Variants in KCNJ14 observed in about 807,000 individuals in gnomAD.
The protein encoded by KCNJ14 is ATP-sensitive inward rectifier potassium channel 14.
KCNJ14 carries 18 observed loss-of-function variants against 24.5 expected under a neutral mutation model. The observed-to-expected ratio is 0.74, with a 90% CI of 0.51 to 1.09. The LOEUF is 1.09. KCNJ14 is among the 50% of genes least tolerant of loss of function. KCNJ14 has a pLI of 0.00. For missense variants in KCNJ14, 633 were observed against 623.0 expected (o/e 1.02, Z -0.17); for synonymous variants, 288 against 270.8 (o/e 1.06, Z -0.63).
chr19:48,456,437 G>A (rs1971540184), intron 1 of KCNJ14: 1 of 152,278 alleles, frequency 6.6e-6, no homozygotes, highest in Non-Finnish European at 1.5e-5. Context: ...GACACAGCCA[G>A]GCTGGTCCCC....
Position 48,465,062 on chromosome 19 carries a change from G to T in KCNJ14, c.*285G>T. On this transcript the variant is annotated 3_prime_UTR_variant, in exon 3 of 3. Coordinates refer to ENST00000342291, the MANE Select transcript of KCNJ14 (RefSeq NM_013348.4). Reference sequence around the variant, plus strand: ...CAAGAGGAAAAGACTGGCAGTTCTAGATTCCTCTATATGGGGAGACCTGGA... The same window carrying T: ...CAAGAGGAAAAGACTGGCAGTTCTATATTCCTCTATATGGGGAGACCTGGA... 1 of 439,678 alleles carries T rather than the reference G, an allele frequency of 2.3e-6. No individual in the cohort carries two copies. The highest frequency in any genetic ancestry group is 3.8e-5 in the East Asian group (1 of 26,088). The allele number at this position is 439,678 out of a possible 1,614,324, so 27.2% of individuals were successfully genotyped here.
intron 1 of KCNJ14, chr19:48,461,261 AGTGAGCTGAGGTTGCG>A (rs1352500429): frequency 1.3e-5 from 2 of 151,638 alleles, no homozygotes; most frequent in African/African-American, 4.8e-5. Context: ...CAGAGGTTGC[AGTGAGCTGAGGTTGCG>A]GTGAGCTGAG....
rs776822495 is a variant in KCNJ14 at position 48,461,838 on chromosome 19, G to A, written c.114G>A (p.Pro38=). The change falls in exon 2 of 3, where the codon CCG becomes CCA. Residue 38 remains proline, a synonymous_variant. Coordinates refer to ENST00000342291, the MANE Select transcript of KCNJ14 (RefSeq NM_013348.4). ...GGTTGTGCCGCAACGGGTGGGCGCC[G>A]GCACCGGTGCAGTCACCCGTGGGCC... ...GPGLCRNGWA[P]APVQSPVGRR... The A allele has an allele frequency of 1.3e-6, 2 of 1,514,690 alleles. No individual in the cohort carries two copies. Among genetic ancestry groups the A allele is most frequent in the Admixed American group, 4.7e-5 (2 of 42,930 alleles). The allele number at this position is 1,514,690 out of a possible 1,614,324, so 93.8% of individuals were successfully genotyped here.
rs1321709017 is a variant in KCNJ14, at chr19:48,462,574, T to G, written c.714+136T>G. ...CCAGCAGCCTCTTGGGCCTGGGGCC[T>G]GCGAATGGGTCACTGGGCAGCTGGG... On this transcript the variant is annotated intron_variant, in intron 2 of 2. Coordinates refer to ENST00000342291, the MANE Select transcript of KCNJ14 (RefSeq NM_013348.4). This position sits in a 1 kb window ranked among gnomAD's most constrained non-coding sequence, Gnocchi z 4.9. The G allele has an allele frequency of 3.2e-6, 2 of 634,366 alleles. No homozygotes were observed. Among genetic ancestry groups the G allele is most frequent in the Non-Finnish European group, 5.2e-6 (2 of 383,460 alleles). The allele number at this position is 634,366 out of a possible 1,614,324, so 39.3% of individuals were successfully genotyped here. A position where few individuals can be genotyped will look rare whatever the true frequency, so the allele number is the denominator to read the frequency against.
rs1971644991 is a variant in KCNJ14 at position 48,465,354 on chromosome 19, A to C, written c.*577A>C. ...AAAAAAAAGACCTGTGGTTCCAGAA[A>C]GCTCATTAGTTGAGATTCTGTGAGT... On this transcript the variant is annotated 3_prime_UTR_variant, in exon 3 of 3. Transcript: ENST00000342291. 1 of 153,646 alleles carries C rather than the reference A, an allele frequency of 6.5e-6. No individual in the cohort carries two copies. The highest frequency in any genetic ancestry group is 1.4e-5 in the Non-Finnish European group (1 of 69,084). 9.5% of individuals were successfully genotyped at this position (153,646 alleles called of 1,614,324 possible).
intron 1 of KCNJ14, among the ~76,000 whole-genome samples, chr19:48,460,676 C>T (rs1023115467): frequency 6.6e-6 from 1 of 152,152 alleles, no homozygotes; most frequent in Admixed American, 6.5e-5. Context: ...CAACAACCTC[C>T]AAATTGTATA....
chr19:48,462,413 C>T lies in KCNJ14; in HGVS notation c.689C>T (p.Ala230Val), dbSNP rs1569083906. 6.7e-7 allele frequency: 1 copy of T among 1,497,802 alleles called. No homozygotes were observed. Among genetic ancestry groups the T allele is most frequent in the Non-Finnish European group, 8.9e-7 (1 of 1,118,678 alleles). 92.8% of individuals were successfully genotyped at this position (1,497,802 alleles called of 1,614,324 possible). A position where few individuals can be genotyped will look rare whatever the true frequency, so the allele number is the denominator to read the frequency against. The change falls in exon 2 of 3, where the codon GCC (alanine) becomes GTC (valine). Residue 230 changes from alanine to valine, a missense_variant. By Grantham distance (64) the Ala-to-Val change is moderately conservative (BLOSUM62 0). Transcript: ENST00000342291. This position sits in a 1 kb window ranked among gnomAD's most constrained non-coding sequence, Gnocchi z 4.9. ...CTGCGCCGCAGCCACCTGGTCGAGG[C>T]CCACGTGCGTGCCCAGCTGCTGCAG... ...GNLRRSHLVE[A>V]HVRAQLLQPR... is the part of the protein sequence containing the mutation.
intron 1 of KCNJ14, among the ~76,000 whole-genome samples, chr19:48,459,373 A>G (rs1376299228): frequency 1.3e-5 from 2 of 151,862 alleles, no homozygotes; most frequent in African/African-American, 2.4e-5. Context: ...ATCTTCTCCC[A>G]TTAGTGGGTT....
chr19:48,462,133 G>A lies in KCNJ14; in HGVS notation c.409G>A (p.Ala137Thr), dbSNP rs866907833. 1.3e-6 allele frequency: 2 copies of A among 1,595,314 alleles called. No homozygotes were observed. The highest frequency in any genetic ancestry group is 1.7e-6 in the Non-Finnish European group (2 of 1,172,270). ...CFSHVASFLA[A>T]FLFALETQTS... ...CTCACACGTGGCCAGCTTCCTGGCC[G>A]CCTTCCTCTTCGCGCTGGAGACGCA... The change falls in exon 2 of 3, where the codon GCC becomes ACC. Residue 137 changes from alanine (A) to threonine (T), a missense_variant. Coordinates refer to ENST00000342291, the MANE Select transcript of KCNJ14 (RefSeq NM_013348.4). The surrounding 1 kb of genome is among the most constrained non-coding windows in gnomAD (Gnocchi z 4.9).
In KCNJ14 at chr19:48,461,809, C is replaced by G; in HGVS notation, c.85C>G (p.Pro29Ala). The G allele has an allele frequency of 6.7e-7, 1 of 1,493,886 alleles. No individual in the cohort carries two copies. Among genetic ancestry groups the G allele is most frequent in the South Asian group, 1.4e-5 (1 of 73,644 alleles). The allele number at this position is 1,493,886 out of a possible 1,614,324, so 92.5% of individuals were successfully genotyped here. ...GGCGGGCGATGAAGAGGAGGCCGGG[C>G]CCGGGTTGTGCCGCAACGGGTGGGC... Reference protein sequence around the residue: ...SRAGDEEEAGPGLCRNGWAPA... With the variant: ...SRAGDEEEAGAGLCRNGWAPA... Residue 29 changes from proline (P) to alanine (A), a missense_variant, in exon 2 of 3, where the codon CCC becomes GCC. Transcript: ENST00000342291.
rs375590942 is a variant in KCNJ14, at chr19:48,460,473, C to A, written c.-55-1197C>A. Among the ~76,000 whole-genome samples, 339 of 152,198 alleles carry A rather than the reference C, an allele frequency of 2.2e-3. 3 individuals are homozygous for A. Among genetic ancestry groups the A allele is most frequent in the African/African-American group, 7.8e-3 (323 of 41,524 alleles). On this transcript the variant is annotated intron_variant, in intron 1 of 2. Coordinates refer to ENST00000342291, the MANE Select transcript of KCNJ14 (RefSeq NM_013348.4). The stretch of plus-strand genomic sequence containing the variant: ...GGTCAGGCTGGTCTCGAACTCCTGA[C>A]CTCAGGTGATCCGCCCGCCTCGGCC...
intron 2 of KCNJ14, among the ~76,000 whole-genome samples, chr19:48,463,360 A>G (rs1971621620): frequency 6.6e-6 from 1 of 152,168 alleles, no homozygotes; most frequent in Non-Finnish European, 1.5e-5. Flanking sequence ...AGAGGAGGAT[A>G]GATGCCCACC....
In KCNJ14 at chr19:48,461,736, C is replaced by G; in HGVS notation, c.12C>G (p.Ala4=). The part of the protein sequence containing the change: MGL[A]RALRRLSGAL... ...GGTCCCTCCGTCCAATGGGCCTGGCCAGGGCCCTACGCCGCCTCAGCGGCG... is the reference window on the plus strand; with the variant it reads ...GGTCCCTCCGTCCAATGGGCCTGGCGAGGGCCCTACGCCGCCTCAGCGGCG... Residue 4 remains alanine, a synonymous_variant, in exon 2 of 3, where the codon GCC becomes GCG. Transcript: ENST00000342291. 1 of 1,429,114 alleles carries G rather than the reference C, an allele frequency of 7.0e-7. No individual in the cohort carries two copies. Among genetic ancestry groups the G allele is most frequent in the East Asian group, 2.6e-5 (1 of 38,008 alleles). 88.5% of individuals were successfully genotyped at this position (1,429,114 alleles called of 1,614,324 possible). A position where few individuals can be genotyped will look rare whatever the true frequency, so the allele number is the denominator to read the frequency against.
At position 48,462,272 on chromosome 19, in the gene KCNJ14, C is replaced by G. The variant is rs1205917985; in HGVS notation, c.548C>G (p.Ala183Gly). The change falls in exon 2 of 3, where the codon GCT becomes GGT. Residue 183 changes from alanine to glycine, a missense_variant. Ala to Gly is a moderately conservative substitution (Grantham distance 60). Coordinates refer to ENST00000342291, the MANE Select transcript of KCNJ14 (RefSeq NM_013348.4). The surrounding 1 kb of genome is among the most constrained non-coding windows in gnomAD (Gnocchi z 4.9). ...GTGCTCGACGCCTTCGTCGTGGGTG[C>G]TGTCATGGCCAAGATGGCCAAACCC... ...GCVLDAFVVG[A>G]VMAKMAKPKK... The G allele has an allele frequency of 1.3e-6, 2 of 1,547,876 alleles. No individual in the cohort carries two copies. Among genetic ancestry groups the G allele is most frequent in the Non-Finnish European group, 1.7e-6 (2 of 1,144,568 alleles).
chr19:48,461,973 C>T lies in KCNJ14; in HGVS notation c.249C>T (p.Asp83=). 2 of 1,613,136 alleles carry T rather than the reference C, an allele frequency of 1.2e-6. No individual in the cohort carries two copies. The highest frequency in any genetic ancestry group is 1.7e-6 in the Non-Finnish European group (2 of 1,179,694). ...YLSDLFTTCV[D]VRWRWMCLLF... is the part of the protein sequence containing the mutation. Reference sequence around the variant, plus strand: ...GCGACCTGTTCACCACATGCGTGGACGTGCGCTGGCGCTGGATGTGCCTGC... The same window carrying T: ...GCGACCTGTTCACCACATGCGTGGATGTGCGCTGGCGCTGGATGTGCCTGC... The change falls in exon 2 of 3, where the codon GAC becomes GAT. Residue 83 remains aspartate (D), a synonymous_variant. Transcript: ENST00000342291.
chr19:48,457,977 C>T (rs1971556479), intron 1 of KCNJ14, among the ~76,000 whole-genome samples: 1 of 152,166 alleles, frequency 6.6e-6, no homozygotes, highest in Non-Finnish European at 1.5e-5. Flanking sequence ...CGAGCCACCG[C>T]ACCTGGCCAG....
Position 48,462,265 on chromosome 19 carries a change from G to A in KCNJ14, c.541G>A (p.Val181Met), listed in dbSNP as rs1971609723. The A allele has an allele frequency of 6.5e-7, 1 of 1,547,732 alleles. No individual in the cohort carries two copies. Among genetic ancestry groups the A allele is most frequent in the Non-Finnish European group, 8.7e-7 (1 of 1,144,474 alleles). ...CGGCTGCGTGCTCGACGCCTTCGTC[G>A]TGGGTGCTGTCATGGCCAAGATGGC... ...IAGCVLDAFV[V>M]GAVMAKMAKP... Residue 181 changes from valine (V) to methionine (M), a missense_variant, in exon 2 of 3, where the codon GTG becomes ATG. By Grantham distance (21) the Val-to-Met change is conservative. Coordinates refer to ENST00000342291, the MANE Select transcript of KCNJ14 (RefSeq NM_013348.4). This position sits in a 1 kb window ranked among gnomAD's most constrained non-coding sequence, Gnocchi z 4.9.
intron 1 of KCNJ14, among the ~76,000 whole-genome samples, chr19:48,459,428 T>C (rs1971571252): frequency 6.6e-6 from 1 of 152,116 alleles, no homozygotes; most frequent in South Asian, 2.1e-4. Flanking sequence ...ATGGTCTTGC[T>C]CTGTCGCCCA....
rs1181219442 is a variant in KCNJ14, at chr19:48,465,404, C to G, written c.*627C>G. ...TCTAGGTTGACCACAGAGGCAAGCACTGGTGAGTCTAGGACAGATTTTACG... is the reference window on the plus strand; with the variant it reads ...TCTAGGTTGACCACAGAGGCAAGCAGTGGTGAGTCTAGGACAGATTTTACG... On this transcript the variant is annotated 3_prime_UTR_variant, in exon 3 of 3. Coordinates refer to ENST00000342291, the MANE Select transcript of KCNJ14 (RefSeq NM_013348.4). 6.6e-6 allele frequency: 1 copy of G among 152,382 alleles called. No homozygotes were observed. The highest frequency in any genetic ancestry group is 2.4e-5 in the African/African-American group (1 of 41,260). The allele number at this position is 152,382 out of a possible 1,614,324, so 9.4% of individuals were successfully genotyped here. A position where few individuals can be genotyped will look rare whatever the true frequency, so the allele number is the denominator to read the frequency against.
Sources: gnomAD v4.1 joint callset for allele counts (sites outside exome capture counted in the v4.1 genomes callset) on GRCh38, gnomAD v4.1.1 for gene constraint, Gnocchi (gnomAD v3.1) non-coding constraint, MANE v1.5 for transcripts, NCBI Gene and HGNC (gene_info 2026-07-23, HGNC 2026-07-21) for gene names.